HTR4: variants seen among roughly 807,000 people sequenced by gnomAD.
HTR4 encodes the protein 5-hydroxytryptamine (serotonin) receptor 4, G protein-coupled.
HTR4 carries 16 observed loss-of-function variants against 36.8 expected under a neutral mutation model. The ratio of observed to expected loss-of-function variants is 0.43; its 90% CI spans 0.29 to 0.66. HTR4 has a LOEUF of 0.66. Ranked by LOEUF, HTR4 falls within the 30% of genes least tolerant of loss-of-function variation. The pLI is 0.13. For missense variants in HTR4, 438 were observed against 490.9 expected, an observed-to-expected ratio of 0.89 and a Z score of 1.02; for synonymous variants, 189 against 185.1, an observed-to-expected ratio of 1.02 and a Z score of -0.17.
At chr5:148,516,312 C>CTTTTTTTTTTTTTTTT (rs954784476) in intron 5 of HTR4, among the ~76,000 whole-genome samples, 2 of 76,474 alleles carry the variant, frequency 2.6e-5, no homozygotes, top group Admixed American at 1.9e-4. Context: ...ATTCCCCCCT[C>CTTTTTTTTTTTTTTTT]TTTTTTTTTT....
chr5:148,616,831 A>T (rs1752710208), intron 2 of HTR4, among the ~76,000 whole-genome samples: 1 of 152,050 alleles, frequency 6.6e-6, no homozygotes, highest in South Asian at 2.1e-4. Context: ...ACAATAGCCA[A>T]CATAGTTTTT....
intron 5 of HTR4, among the ~76,000 whole-genome samples, chr5:148,516,585 T>G (rs1174417101): frequency 6.6e-6 from 1 of 151,996 alleles, no homozygotes; most frequent in Non-Finnish European, 1.5e-5. Flanking sequence ...CCCAAAGTGC[T>G]GGGATTACAG....
intron 2 of HTR4, among the ~76,000 whole-genome samples, chr5:148,561,625 AT>A (rs60330024): frequency 0.056 from 8,026 of 143,618 alleles, 614 homozygotes; most frequent in African/African-American, 0.17. Context: ...TGTTGAAAAC[AT>A]TTTTTTTTTT....
At chr5:148,497,142 T>G (rs1756723935) in intron 6 of HTR4, among the ~76,000 whole-genome samples, 1 of 152,216 alleles carries the variant, frequency 6.6e-6, no homozygotes, top group African/African-American at 2.4e-5. Context: ...AAACCATTTT[T>G]TTTAAGGAAC....
intron 5 of HTR4, among the ~76,000 whole-genome samples, chr5:148,468,399 T>C (rs1360069012): frequency 3.3e-5 from 5 of 152,198 alleles, no homozygotes; most frequent in Non-Finnish European, 1.5e-5. Flanking sequence ...TCTTGGCTAC[T>C]TAAAATGGTC....
intron 2 of HTR4, among the ~76,000 whole-genome samples, chr5:148,561,098 G>A (rs1760182953): frequency 6.6e-6 from 1 of 152,118 alleles, no homozygotes; most frequent in Admixed American, 6.6e-5. Context: ...ACGAGGGCAG[G>A]GAGGTGGTTG....
intron 4 of HTR4, among the ~76,000 whole-genome samples, chr5:148,537,978 C>T (rs1236277148): frequency 6.6e-6 from 1 of 152,042 alleles, no homozygotes; most frequent in Non-Finnish European, 1.5e-5. Context: ...GCAAAAATCC[C>T]TAACAAATTA....
intron 5 of HTR4, among the ~76,000 whole-genome samples, chr5:148,518,695 C>A (rs961343819): frequency 6.6e-6 from 1 of 152,210 alleles, no homozygotes; most frequent in African/African-American, 2.4e-5. Context: ...ACTTTTCTTA[C>A]CAATTTCCTC....
At chr5:148,638,626 G>GAC (rs150360262) in intron 1 of HTR4, among the ~76,000 whole-genome samples, 1,726 of 152,074 alleles carry the variant, frequency 0.011, 36 homozygotes, top group African/African-American at 0.04. Flanking sequence ...TCTCATCTCC[G>GAC]ACACAAAAAC....
intron 2 of HTR4, among the ~76,000 whole-genome samples, chr5:148,556,997 G>C (rs1451980975): frequency 6.6e-6 from 1 of 152,146 alleles, no homozygotes; most frequent in East Asian, 1.9e-4. Context: ...AGACAGAAAA[G>C]ATTTTTCATG....
At position 148,615,122 on chromosome 5, in the gene HTR4, C is replaced by T. The variant is rs542369018; in HGVS notation, c.26+21867G>A. On this transcript the variant is annotated intron_variant, in intron 2 of 6. Coordinates refer to ENST00000377888, the MANE Select transcript of HTR4 (RefSeq NM_000870.7). ...TCAACCATTGTGGAAGTCAGTGTGG[C>T]GATTCCTCAGGGATCTAGAACTAGA... 1.3e-3 allele frequency among the ~76,000 whole-genome samples: 201 copies of T among 151,092 alleles called. 1 individual carries two copies. The highest frequency in any genetic ancestry group is 4.5e-3 in the African/African-American group (184 of 41,308).
chr5:148,627,099 T>C (rs942176554), intron 2 of HTR4, among the ~76,000 whole-genome samples: 4 of 152,144 alleles, frequency 2.6e-5, no homozygotes, highest in Admixed American at 2.6e-4. Flanking sequence ...CACTCTGTTC[T>C]TCCTCCTGGT....
chr5:148,524,760 C>T (rs1490341001), intron 4 of HTR4, among the ~76,000 whole-genome samples: 1 of 152,230 alleles, frequency 6.6e-6, no homozygotes, highest in Non-Finnish European at 1.5e-5. Context: ...ATACACCCCT[C>T]ATTTTATGCA....
chr5:148,647,425 A>G (rs1431299347), intron 1 of HTR4, among the ~76,000 whole-genome samples: 1 of 152,202 alleles, frequency 6.6e-6, no homozygotes. Context: ...TTTGTGGCTC[A>G]ATGTAATGGA....
chr5:148,535,759 T>C (rs990914114), intron 4 of HTR4, among the ~76,000 whole-genome samples: 11 of 152,090 alleles, frequency 7.2e-5, no homozygotes, highest in Non-Finnish European at 1.6e-4. Flanking sequence ...AATCTACAAA[T>C]CACTGGCATC....
At chr5:148,520,594 C>T (rs1279008042) in intron 5 of HTR4, among the ~76,000 whole-genome samples, 1 of 152,168 alleles carries the variant, frequency 6.6e-6, no homozygotes, top group Non-Finnish European at 1.5e-5. Context: ...CTCCCTGATC[C>T]TCTGTTCGCT....
At chr5:148,463,938 T>C (rs1232915789) in intron 5 of HTR4, among the ~76,000 whole-genome samples, 4 of 148,806 alleles carry the variant, frequency 2.7e-5, no homozygotes, top group East Asian at 2.0e-4. Flanking sequence ...AAGGTAGATA[T>C]AGTCAACTTA....
intron 1 of HTR4, among the ~76,000 whole-genome samples, chr5:148,649,107 C>T (rs1051733335): frequency 2.6e-5 from 4 of 151,994 alleles, no homozygotes; most frequent in African/African-American, 9.7e-5. Flanking sequence ...ATGAGAGAGA[C>T]AATACTTCTC....
rs1279439318 is a variant in HTR4 at position 148,537,316 on chromosome 5, C to T, written c.353+11352G>A. 1.1e-4 allele frequency among the ~76,000 whole-genome samples: 17 copies of T among 151,880 alleles called. 1 individual carries two copies. Among genetic ancestry groups the T allele is most frequent in the Admixed American group, 1.1e-3 (17 of 15,232 alleles). ...ATCTCAAATGAACAACCTGACATCA[C>T]AACTGAAAGAATTAGAGAAGCAAGA... is the stretch of plus-strand genomic sequence containing the variant. On this transcript the variant is annotated intron_variant, in intron 4 of 6. Transcript: ENST00000377888.
Sources: gnomAD v4.1 joint callset for allele counts (sites outside exome capture counted in the v4.1 genomes callset) on GRCh38, gnomAD v4.1.1 for gene constraint, MANE v1.5 for transcripts, NCBI Gene and HGNC (gene_info 2026-07-23, HGNC 2026-07-21) for gene names.